The following FAAH2 variants were observed in gnomAD, a reference collection of about 807,000 sequenced individuals.
FAAH2 encodes the protein fatty acid amide hydrolase 2.
Under a neutral mutation model 36.9 loss-of-function variants are expected in FAAH2, and 60 were observed. The ratio of observed to expected loss-of-function variants is 1.63; its 90% CI spans 1.32 to 2.02. FAAH2 has a LOEUF of 2.02. FAAH2 is among the 30% of genes most tolerant of loss of function. The pLI, the probability that FAAH2 is intolerant of heterozygous loss-of-function variation, is 0.00. For synonymous variants in FAAH2, 214 were observed against 143.8 expected, an observed-to-expected ratio of 1.49 and a Z score of -3.49; for missense variants, 689 against 397.5, an observed-to-expected ratio of 1.73 and a Z score of -6.23.
At chrX:57,272,540 A>G in the FAAH2 span, among the ~76,000 whole-genome samples, 1 of 112,429 alleles carries the variant, frequency 8.9e-6, no homozygotes, top group African/African-American at 3.2e-5. Context: ...GAAGCCAATC[A>G]GACTAACAGC....
At chrX:57,263,033 C>A in the FAAH2 span, among the ~76,000 whole-genome samples, 1 of 110,980 alleles carries the variant, frequency 9.0e-6, no homozygotes, top group Non-Finnish European at 1.9e-5. Flanking sequence ...GAGCTTTTCC[C>A]CTAAAATTAG....
chrX:57,361,589 G>A (rs772126311), intron 5 of FAAH2, among the ~76,000 whole-genome samples: 6 of 110,781 alleles, frequency 5.4e-5, no homozygotes, highest in Non-Finnish European at 1.1e-4. Flanking sequence ...TATTTGTTTA[G>A]TCTCCAAAAT....
chrX:57,455,117 T>A (rs2056845468), intron 10 of FAAH2, among the ~76,000 whole-genome samples: 1 of 111,809 alleles, frequency 8.9e-6, no homozygotes, highest in Admixed American at 9.5e-5. Context: ...GTAAGAAACC[T>A]ACAAGTGAGA....
At chrX:57,383,872 C>G (rs2054930208) in intron 7 of FAAH2, among the ~76,000 whole-genome samples, 1 of 111,751 alleles carries the variant, frequency 8.9e-6, no homozygotes, top group Non-Finnish European at 1.9e-5. Flanking sequence ...CCAAGTCAAT[C>G]CTAAACCAAA....
At chrX:57,231,665 G>A in the FAAH2 span, among the ~76,000 whole-genome samples, 1 of 111,638 alleles carries the variant, frequency 9.0e-6, no homozygotes, top group Non-Finnish European at 1.9e-5. Context: ...CTGAGATATA[G>A]AGTTAATAAT....
the FAAH2 span, among the ~76,000 whole-genome samples, chrX:57,251,089 C>A: frequency 9.0e-6 from 1 of 111,481 alleles, no homozygotes; most frequent in Non-Finnish European, 1.9e-5. Flanking sequence ...GAACAAAACA[C>A]AAAAATTCTC....
chrX:57,228,823 C>A, the FAAH2 span, among the ~76,000 whole-genome samples: 1 of 111,635 alleles, frequency 9.0e-6, no homozygotes, highest in Non-Finnish European at 1.9e-5. Context: ...TATCAAAACT[C>A]TGCTCCATGA....
chrX:57,264,337 TTAAAA>T, the FAAH2 span, among the ~76,000 whole-genome samples: 1 of 112,190 alleles, frequency 8.9e-6, no homozygotes, highest in Non-Finnish European at 1.9e-5. Context: ...TACAGAAATC[TTAAAA>T]TAAACAATCC....
chrX:57,305,896 C>A (rs1321864524), intron 2 of FAAH2, among the ~76,000 whole-genome samples: 1 of 111,653 alleles, frequency 9.0e-6, no homozygotes, highest in Non-Finnish European at 1.9e-5. Context: ...AGACTGGTTG[C>A]AGACTGGGAC....
At chrX:57,168,118 T>C in the FAAH2 span, among the ~76,000 whole-genome samples, 4 of 111,750 alleles carry the variant, frequency 3.6e-5, no homozygotes, top group East Asian at 2.8e-4. Flanking sequence ...ATAGACTAGA[T>C]TTTAACATCT....
chrX:57,165,392 T>G, the FAAH2 span, among the ~76,000 whole-genome samples: 10 of 112,130 alleles, frequency 8.9e-5, no homozygotes, highest in African/African-American at 3.2e-4. Flanking sequence ...CCTTTGTAGG[T>G]ACATGGATGA....
upstream of FAAH2, among the ~76,000 whole-genome samples, chrX:57,283,914 G>C (rs1271498142): frequency 1.8e-5 from 2 of 111,946 alleles, no homozygotes; most frequent in African/African-American, 3.2e-5. Context: ...TTGGGGCCCA[G>C]GTCAAGAGGC....
intron 10 of FAAH2, among the ~76,000 whole-genome samples, chrX:57,481,717 C>T (rs2057382744): frequency 8.9e-6 from 1 of 112,175 alleles, no homozygotes; most frequent in Admixed American, 9.4e-5. Flanking sequence ...TGCACAAGGT[C>T]AGGGACCCAG....
intron 10 of FAAH2, among the ~76,000 whole-genome samples, chrX:57,485,551 G>A (rs1377081646): frequency 3.6e-5 from 4 of 112,021 alleles, no homozygotes; most frequent in East Asian, 2.8e-4. Flanking sequence ...AGGGGAAGGA[G>A]GGATGGCATA....
At chrX:57,461,650 C>T in intron 10 of FAAH2, among the ~76,000 whole-genome samples, 1 of 110,903 alleles carries the variant, frequency 9.0e-6, no homozygotes, top group Admixed American at 9.6e-5. Context: ...ACAGCTGAAG[C>T]AGTGTTAAGA....
At chrX:57,203,767 T>A in the FAAH2 span, among the ~76,000 whole-genome samples, 6 of 112,416 alleles carry the variant, frequency 5.3e-5, no homozygotes, top group African/African-American at 1.9e-4. Flanking sequence ...TAAGGTCAGC[T>A]GTGCCTGGGA....
chrX:57,164,070 A>G, the FAAH2 span, among the ~76,000 whole-genome samples: 1 of 112,334 alleles, frequency 8.9e-6, no homozygotes, highest in African/African-American at 3.2e-5. Flanking sequence ...TTAAGGCTAA[A>G]TAAGGCCAGA....
the FAAH2 span, among the ~76,000 whole-genome samples, chrX:57,188,374 G>T: frequency 9.0e-6 from 1 of 111,013 alleles, no homozygotes; most frequent in Non-Finnish European, 1.9e-5. Flanking sequence ...TTCTCTGATG[G>T]TAGTTTGTAT....
At position 57,291,545 on chromosome X, in the gene FAAH2, G is replaced by A. The variant is rs184331002; in HGVS notation, c.193-953G>A. Among the ~76,000 whole-genome samples the A allele has an allele frequency of 2.7e-5, 3 of 111,517 alleles. No individual in the cohort carries two copies. The Admixed American group carries it at 2.9e-4, about 11-fold the overall frequency. On this transcript the variant is annotated intron_variant, in intron 1 of 10. Coordinates refer to ENST00000374900, the MANE Select transcript of FAAH2 (RefSeq NM_174912.4). ...TTAATGCTTTTGCCCTCTGGCAGGG[G>A]AATTCAGTCCTTCACACTTATTATG...
Sources: gnomAD v4.1 joint callset for allele counts (sites outside exome capture counted in the v4.1 genomes callset) on GRCh38, gnomAD v4.1.1 for gene constraint, MANE v1.5 for transcripts, NCBI Gene and HGNC (gene_info 2026-07-23, HGNC 2026-07-21) for gene names.